MAPK10: variants seen among roughly 807,000 people sequenced by gnomAD.
The protein encoded by MAPK10 is JNK3 alpha protein kinase.
Under a neutral mutation model 59.3 loss-of-function variants are expected in MAPK10, and 25 were observed. That is an observed-to-expected ratio of 0.42 (90% CI 0.31 to 0.59). The LOEUF is 0.59. Among genes scored for constraint, MAPK10 ranks in the 20% least tolerant of loss-of-function variants. The probability of loss-of-function intolerance (pLI) is 0.15; values close to 1 mark genes in which losing one functional copy is unlikely to be tolerated. For missense variants in MAPK10, 351 were observed against 568.9 expected, an observed-to-expected ratio of 0.62 and a Z score of 3.90; for synonymous variants, 190 against 200.5, an observed-to-expected ratio of 0.95 and a Z score of 0.44.
At position 86,193,164 on chromosome 4, in the gene MAPK10, T is replaced by C. The variant is rs183727980; in HGVS notation, c.66+1172A>G. The C allele has an allele frequency of 5.4e-3, 836 of 156,156 alleles. 3 individuals are homozygous for C. The highest frequency in any genetic ancestry group is 8.2e-3 in the Non-Finnish European group (583 of 71,412). 9.7% of individuals were successfully genotyped at this position (156,156 alleles called of 1,614,324 possible). A position where few individuals can be genotyped will look rare whatever the true frequency, so the allele number is the denominator to read the frequency against. On this transcript the variant is annotated intron_variant, in intron 3 of 13. Transcript: ENST00000641462. ...TGGAAGCTTTTTTCAGAGGGGCACC[T>C]GCCAGATGCCAGCTGGAGCTCTCCT...
At chr4:86,505,821 T>C (rs1190885037) in intron 1 of MAPK10, among the ~76,000 whole-genome samples, 15 of 152,116 alleles carry the variant, frequency 9.9e-5, no homozygotes, top group Admixed American at 9.8e-4. Flanking sequence ...TTTTCAAATT[T>C]CTTTAGGTCA....
intron 13 of MAPK10, chr4:86,021,015 G>T (rs936574801): frequency 2.0e-5 from 3 of 152,274 alleles, no homozygotes; most frequent in African/African-American, 7.2e-5. Flanking sequence ...TTTTGACAGG[G>T]TGCTGACTGG....
intron 1 of MAPK10, among the ~76,000 whole-genome samples, chr4:86,411,520 T>G (rs1358016268): frequency 6.6e-6 from 1 of 152,212 alleles, no homozygotes; most frequent in Non-Finnish European, 1.5e-5. Flanking sequence ...TCTCCCATTA[T>G]TATTGTGTGG....
intron 9 of MAPK10, chr4:86,080,438 C>T (rs1449438653): frequency 1.3e-5 from 2 of 151,622 alleles, no homozygotes; most frequent in Non-Finnish European, 3.0e-5. Context: ...CTTTAAGATG[C>T]CAAAAATAAA....
chr4:86,135,639 T>G (rs1045785008), intron 4 of MAPK10, among the ~76,000 whole-genome samples: 1 of 152,130 alleles, frequency 6.6e-6, no homozygotes, highest in Non-Finnish European at 1.5e-5. Context: ...CCTCTCCTCC[T>G]CCAAAGGAAC....
chr4:86,587,091 C>T, intron 1 of MAPK10, among the ~76,000 whole-genome samples: 1 of 152,160 alleles, frequency 6.6e-6, no homozygotes, highest in East Asian at 1.9e-4. Flanking sequence ...TGTATTTGCT[C>T]CTGCTGAATA....
intron 9 of MAPK10, among the ~76,000 whole-genome samples, chr4:86,078,957 C>G (rs766696375): frequency 3.0e-4 from 46 of 152,218 alleles, no homozygotes; most frequent in Admixed American, 5.9e-4. Flanking sequence ...CCATTGCACT[C>G]CAGCCTGGGC....
chr4:86,159,504 T>A, intron 3 of MAPK10, 37 bp from the exon 4 acceptor site: 1 of 1,568,314 alleles, frequency 6.4e-7, no homozygotes. Context: ...ATGAGGCAAG[T>A]GAACAGGCAG....
chr4:86,526,439 T>C lies in MAPK10; in HGVS notation c.-263+67471A>G, dbSNP rs571846442. 2.0e-5 allele frequency among the ~76,000 whole-genome samples: 3 copies of C among 152,348 alleles called. No individual in the cohort carries two copies. In the East Asian group the frequency reaches 5.8e-4, roughly 29 times the overall value. On this transcript the variant is annotated intron_variant, in intron 1 of 4. Coordinates refer to the MAPK10 transcript ENST00000502302. ...ATGTCACATTTGTCATTTCTGATCA[T>C]GCTTATTTGAACCTTCTCTTTTCTT...
chr4:86,547,069 A>G (rs999104652), intron 1 of MAPK10, among the ~76,000 whole-genome samples: 1 of 152,200 alleles, frequency 6.6e-6, no homozygotes, highest in Non-Finnish European at 1.5e-5. Flanking sequence ...ACAAAAAAAA[A>G]GTGCTAAAGG....
intron 1 of MAPK10, among the ~76,000 whole-genome samples, chr4:86,365,754 T>C (rs1012152741): frequency 3.3e-5 from 5 of 152,166 alleles, no homozygotes; most frequent in Admixed American, 2.6e-4. Context: ...TAAAAACACT[T>C]TAACTGCTTC....
At chr4:86,027,502 T>C (rs1314010766) in intron 13 of MAPK10, 1 of 152,238 alleles carries the variant, frequency 6.6e-6, no homozygotes, top group Admixed American at 6.5e-5. Flanking sequence ...TTATATACTT[T>C]ATGCTTGGCC....
At chr4:86,036,768 T>C (rs1218407728) in intron 11 of MAPK10, among the ~76,000 whole-genome samples, 4 of 152,206 alleles carry the variant, frequency 2.6e-5, no homozygotes, top group Non-Finnish European at 1.5e-5. Context: ...TTGTACAAAA[T>C]AGTTCCATTT....
intron 11 of MAPK10, among the ~76,000 whole-genome samples, chr4:86,048,195 A>G (rs2042867400): frequency 6.6e-6 from 1 of 152,050 alleles, no homozygotes; most frequent in South Asian, 2.1e-4. Context: ...CATTACTCTC[A>G]CTGTTTTCTC....
intron 1 of MAPK10, among the ~76,000 whole-genome samples, chr4:86,401,262 C>T (rs1261274635): frequency 6.6e-6 from 1 of 152,060 alleles, no homozygotes; most frequent in Admixed American, 6.5e-5. Flanking sequence ...AGAACAGAAA[C>T]ACAAGATGTG....
chr4:86,538,352 G>A (rs913455250), intron 1 of MAPK10, among the ~76,000 whole-genome samples: 1 of 152,054 alleles, frequency 6.6e-6, no homozygotes, highest in Non-Finnish European at 1.5e-5. Context: ...CTCCATGTTG[G>A]TCAGGCTGGT....
intron 1 of MAPK10, among the ~76,000 whole-genome samples, chr4:86,381,993 A>G (rs912124797): frequency 3.3e-5 from 5 of 152,122 alleles, no homozygotes; most frequent in African/African-American, 4.8e-5. Flanking sequence ...GTTTCTCTAC[A>G]GTGGCGCTAT....
chr4:86,123,015 G>C (rs1418688054), intron 4 of MAPK10, among the ~76,000 whole-genome samples: 1 of 151,996 alleles, frequency 6.6e-6, no homozygotes, highest in African/African-American at 2.4e-5. Context: ...ATTAGATCCT[G>C]TTCATAGCTG....
intron 2 of MAPK10, among the ~76,000 whole-genome samples, chr4:86,341,619 T>A (rs1724971943): frequency 6.6e-6 from 1 of 152,050 alleles, no homozygotes; most frequent in Non-Finnish European, 1.5e-5. Flanking sequence ...AAGAGGAATA[T>A]ATGAAAGAGC....
Sources: gnomAD v4.1 joint callset for allele counts (sites outside exome capture counted in the v4.1 genomes callset) on GRCh38, gnomAD v4.1.1 for gene constraint, MANE v1.5 for transcripts, NCBI Gene and HGNC (gene_info 2026-07-23, HGNC 2026-07-21) for gene names.